KCNQ3: variants seen among roughly 807,000 people sequenced by gnomAD.
KCNQ3 encodes potassium voltage-gated channel subfamily KQT member 3.
In KCNQ3, 30 loss-of-function variants were observed where a neutral mutation model predicts 92.5. That is an observed-to-expected ratio of 0.32 (90% CI 0.24 to 0.44). The LOEUF is 0.44. KCNQ3 is among the 20% of genes least tolerant of loss of function. The pLI is 1.00. For missense variants in KCNQ3, 913 were observed against 1,140.3 expected, an observed-to-expected ratio of 0.80 and a Z score of 2.87; for synonymous variants, 450 against 468.8, an observed-to-expected ratio of 0.96 and a Z score of 0.52.
At chr8:132,470,697 T>C (rs1416408827) in intron 1 of KCNQ3, among the ~76,000 whole-genome samples, 1 of 152,246 alleles carries the variant, frequency 6.6e-6, no homozygotes, top group African/African-American at 2.4e-5. Flanking sequence ...TTATATAATG[T>C]CCCCTGTTAT....
intron 9 of KCNQ3, among the ~76,000 whole-genome samples, chr8:132,143,509 T>A (rs1825361034): frequency 6.6e-6 from 1 of 152,190 alleles, no homozygotes; most frequent in South Asian, 2.1e-4. Flanking sequence ...ACTAAGATCA[T>A]GGGCAAAACC....
intron 1 of KCNQ3, among the ~76,000 whole-genome samples, chr8:132,346,636 T>C (rs16904666): frequency 0.24 from 36,775 of 152,146 alleles, 4,977 homozygotes; most frequent in African/African-American, 0.37. Flanking sequence ...ATGCTTCAAC[T>C]CTGGAAACTC....
At chr8:132,167,778 T>C (rs956827789) in intron 8 of KCNQ3, among the ~76,000 whole-genome samples, 2 of 152,314 alleles carry the variant, frequency 1.3e-5, no homozygotes, top group South Asian at 4.1e-4. Context: ...GCTAGGACAA[T>C]GCCTTATTTA....
At chr8:132,384,729 C>T (rs151080553) in intron 1 of KCNQ3, among the ~76,000 whole-genome samples, 2 of 152,262 alleles carry the variant, frequency 1.3e-5, no homozygotes, top group Non-Finnish European at 2.9e-5. Context: ...ACTTTCTGAT[C>T]GATAGAAGCA....
intron 1 of KCNQ3, among the ~76,000 whole-genome samples, chr8:132,206,684 G>T (rs1813668365): frequency 6.6e-6 from 1 of 152,124 alleles, no homozygotes; most frequent in Non-Finnish European, 1.5e-5. Flanking sequence ...TGCAGTATCA[G>T]TTGTTATGTC....
chr8:132,234,896 G>C (rs990823615), intron 1 of KCNQ3, among the ~76,000 whole-genome samples: 1 of 152,170 alleles, frequency 6.6e-6, no homozygotes, highest in Non-Finnish European at 1.5e-5. Flanking sequence ...GGCTGCTGCA[G>C]GGTCTTCATT....
At chr8:132,353,767 T>C (rs1057333818) in intron 1 of KCNQ3, among the ~76,000 whole-genome samples, 3 of 152,060 alleles carry the variant, frequency 2.0e-5, no homozygotes, top group African/African-American at 7.3e-5. Flanking sequence ...TGAGCCGAGA[T>C]CATGCCACTG....
At chr8:132,239,728 A>T (rs996059391) in intron 1 of KCNQ3, among the ~76,000 whole-genome samples, 29 of 152,226 alleles carry the variant, frequency 1.9e-4, no homozygotes, top group Admixed American at 1.4e-3. Context: ...GAAAATGCTC[A>T]GTTAAAGATA....
rs1033316724 is a variant in KCNQ3 at position 132,128,976 on chromosome 8, C to T, written c.*286G>A. The T allele has an allele frequency of 8.5e-6, 4 of 471,482 alleles. No individual in the cohort carries two copies. Among genetic ancestry groups the T allele is most frequent in the Non-Finnish European group, 1.5e-5 (4 of 258,834 alleles). The allele number at this position is 471,482 out of a possible 1,614,324, so 29.2% of individuals were successfully genotyped here. A position where few individuals can be genotyped will look rare whatever the true frequency, so the allele number is the denominator to read the frequency against. ...TAATTTCTCCCTGTACTGGTCCAATCGTGATTAAAAGTAAGAACAGCAGAT... is the reference window on the plus strand; with the variant it reads ...TAATTTCTCCCTGTACTGGTCCAATTGTGATTAAAAGTAAGAACAGCAGAT... On this transcript the variant is annotated 3_prime_UTR_variant, in exon 15 of 15. Coordinates refer to ENST00000388996, the MANE Select transcript of KCNQ3 (RefSeq NM_004519.4).
At chr8:132,280,570 C>A (rs1255162129) in intron 1 of KCNQ3, among the ~76,000 whole-genome samples, 1 of 152,148 alleles carries the variant, frequency 6.6e-6, no homozygotes, top group African/African-American at 2.4e-5. Flanking sequence ...TCCCATCAGG[C>A]CCCACCTCCA....
chr8:132,140,654 G>A (rs1684905779), intron 10 of KCNQ3: 1 of 249,484 alleles, frequency 4.0e-6, no homozygotes, highest in Admixed American at 5.1e-5. Context: ...GGGCCTGGGT[G>A]GGCTCAGACA....
At chr8:132,225,933 C>G (rs1404076521) in intron 1 of KCNQ3, among the ~76,000 whole-genome samples, 1 of 152,136 alleles carries the variant, frequency 6.6e-6, no homozygotes, top group African/African-American at 2.4e-5. Flanking sequence ...AGCTTGAAGC[C>G]TACTCCCTAC....
At chr8:132,366,478 A>G (rs1457141007) in intron 1 of KCNQ3, among the ~76,000 whole-genome samples, 1 of 152,122 alleles carries the variant, frequency 6.6e-6, no homozygotes, top group East Asian at 1.9e-4. Flanking sequence ...CTCTAGTTCA[A>G]TTTTAAATAA....
chr8:132,257,842 A>G (rs1357576430), intron 1 of KCNQ3, among the ~76,000 whole-genome samples: 2 of 152,082 alleles, frequency 1.3e-5, no homozygotes, highest in Non-Finnish European at 2.9e-5. Context: ...TACCATACAA[A>G]TGGTAACCAA....
At chr8:132,431,352 A>T (rs1821246686) in intron 1 of KCNQ3, among the ~76,000 whole-genome samples, 1 of 152,312 alleles carries the variant, frequency 6.6e-6, no homozygotes, top group Middle Eastern at 3.4e-3. Context: ...TGAGTCTTTC[A>T]GTTCCAGGCT....
chr8:132,335,801 G>C (rs1434553572), intron 1 of KCNQ3, among the ~76,000 whole-genome samples: 1 of 152,158 alleles, frequency 6.6e-6, no homozygotes, highest in Non-Finnish European at 1.5e-5. Flanking sequence ...TTGGGGAAAA[G>C]AATCTACTTC....
At chr8:132,199,962 A>G (rs888146648) in intron 1 of KCNQ3, among the ~76,000 whole-genome samples, 2 of 151,928 alleles carry the variant, frequency 1.3e-5, no homozygotes, top group African/African-American at 4.8e-5. Flanking sequence ...AAATTCTAGT[A>G]CATAGTGGGC....
At chr8:132,247,798 T>TAA (rs11424425) in intron 1 of KCNQ3, among the ~76,000 whole-genome samples, 31 of 138,776 alleles carry the variant, frequency 2.2e-4, no homozygotes, top group Admixed American at 5.0e-4. Flanking sequence ...AACTCCCTCT[T>TAA]AAAAAAAAAA....
At chr8:132,178,889 C>T (rs1826656438) in intron 4 of KCNQ3, among the ~76,000 whole-genome samples, 1 of 150,544 alleles carries the variant, frequency 6.6e-6, no homozygotes, top group African/African-American at 2.5e-5. Flanking sequence ...AAAGGGATTT[C>T]AGTGTATGTG....
Sources: gnomAD v4.1 joint callset for allele counts (sites outside exome capture counted in the v4.1 genomes callset) on GRCh38, gnomAD v4.1.1 for gene constraint, MANE v1.5 for transcripts, NCBI Gene and HGNC (gene_info 2026-07-23, HGNC 2026-07-21) for gene names.